WWOX: variants seen among roughly 807,000 people sequenced by gnomAD.
The protein encoded by WWOX is WW domain-containing oxidoreductase.
A neutral mutation model predicts 46.2 loss-of-function variants in WWOX; 69 were observed. That is an observed-to-expected ratio of 1.49 (90% CI 1.23 to 1.82). The LOEUF (loss-of-function observed/expected upper bound fraction) is 1.82, where lower values mean the gene tolerates loss of function less well. WWOX is among the 40% of genes most tolerant of loss of function. The pLI is 0.00. For synonymous variants in WWOX, 359 were observed against 202.6 expected (o/e 1.77, Z -6.56); for missense variants, 919 against 542.6 (o/e 1.69, Z -6.89).
intron 6 of WWOX, among the ~76,000 whole-genome samples, chr16:78,412,482 C>A (rs2082704510): frequency 6.6e-6 from 1 of 152,042 alleles, no homozygotes; most frequent in South Asian, 2.1e-4. Flanking sequence ...GAAGAAACTG[C>A]TGCAGGGAAG....
At chr16:79,127,192 A>G (rs1453125324) in intron 8 of WWOX, among the ~76,000 whole-genome samples, 4 of 152,144 alleles carry the variant, frequency 2.6e-5, no homozygotes, top group Non-Finnish European at 2.9e-5. Flanking sequence ...CCTTGTATAC[A>G]TATACACACA....
At chr16:78,861,720 C>G (rs895417439) in intron 8 of WWOX, among the ~76,000 whole-genome samples, 3 of 152,160 alleles carry the variant, frequency 2.0e-5, no homozygotes, top group Non-Finnish European at 4.4e-5. Context: ...TGTTTGAATT[C>G]CAGGTAAAAA....
chr16:78,693,953 C>G (rs964519117), intron 8 of WWOX, among the ~76,000 whole-genome samples: 3 of 152,170 alleles, frequency 2.0e-5, no homozygotes, highest in Non-Finnish European at 2.9e-5. Flanking sequence ...ATTTAGACGT[C>G]TGGACGTGGT....
chr16:78,104,947 A>C (rs966374320), intron 1 of WWOX, among the ~76,000 whole-genome samples: 52 of 152,328 alleles, frequency 3.4e-4, no homozygotes, highest in African/African-American at 1.3e-3. Context: ...GTGGCTGGCA[A>C]ATGGGAGACC....
At chr16:78,400,639 A>C (rs1242542001) in intron 6 of WWOX, among the ~76,000 whole-genome samples, 1 of 151,956 alleles carries the variant, frequency 6.6e-6, no homozygotes, top group South Asian at 2.1e-4. Flanking sequence ...GGGAGGGAGG[A>C]AAAGGGGGAA....
intron 8 of WWOX, among the ~76,000 whole-genome samples, chr16:78,867,642 G>C (rs2044034735): frequency 6.6e-6 from 1 of 152,060 alleles, no homozygotes; most frequent in African/African-American, 2.4e-5. Context: ...CCAGGTTCAA[G>C]AGAGTCTCCC....
At chr16:78,631,924 C>T (rs140482631) in intron 8 of WWOX, among the ~76,000 whole-genome samples, 1 of 151,894 alleles carries the variant, frequency 6.6e-6, no homozygotes, top group Admixed American at 6.6e-5. Context: ...ATTATTCTGT[C>T]TTCTATGAAA....
intron 5 of WWOX, among the ~76,000 whole-genome samples, chr16:78,303,638 G>A (rs747511185): frequency 1.3e-5 from 2 of 152,086 alleles, no homozygotes; most frequent in African/African-American, 2.4e-5. Context: ...TCCACCTCCC[G>A]GTTTCAAGCG....
intron 8 of WWOX, among the ~76,000 whole-genome samples, chr16:78,497,745 G>A (rs908995993): frequency 6.6e-6 from 1 of 152,098 alleles, no homozygotes; most frequent in African/African-American, 2.4e-5. Flanking sequence ...GACATTACAG[G>A]GACAGTGGTT....
At chr16:78,186,459 G>A (rs965135770) in intron 5 of WWOX, among the ~76,000 whole-genome samples, 3 of 152,054 alleles carry the variant, frequency 2.0e-5, no homozygotes, top group South Asian at 2.1e-4. Flanking sequence ...CTTTACATTC[G>A]TCTTTTAAAA....
intron 5 of WWOX, among the ~76,000 whole-genome samples, chr16:78,179,334 T>C (rs1195067378): frequency 1.3e-5 from 2 of 152,190 alleles, no homozygotes; most frequent in Non-Finnish European, 2.9e-5. Flanking sequence ...ATTAACAGAT[T>C]ACATTTGGGT....
At chr16:78,393,298 G>C (rs2082214806) in intron 6 of WWOX, among the ~76,000 whole-genome samples, 1 of 152,154 alleles carries the variant, frequency 6.6e-6, no homozygotes, top group Non-Finnish European at 1.5e-5. Flanking sequence ...TGCATATTTT[G>C]AACAGGGCCT....
At chr16:78,529,034 G>C (rs1029700905) in intron 8 of WWOX, among the ~76,000 whole-genome samples, 7 of 147,772 alleles carry the variant, frequency 4.7e-5, no homozygotes, top group Non-Finnish European at 8.9e-5. Flanking sequence ...GCTTACTATA[G>C]CCTTGACCTC....
chr16:78,586,572 C>T (rs970547056), intron 8 of WWOX, among the ~76,000 whole-genome samples: 12 of 152,144 alleles, frequency 7.9e-5, no homozygotes, highest in South Asian at 6.2e-4. Flanking sequence ...ATTTTAGAAA[C>T]GAGAAAATGG....
At chr16:79,029,531 G>A (rs2047712490) in intron 8 of WWOX, among the ~76,000 whole-genome samples, 2 of 152,138 alleles carry the variant, frequency 1.3e-5, no homozygotes, top group African/African-American at 4.8e-5. Context: ...AATGGAACAG[G>A]ATGCTCCTTT....
At chr16:78,106,197 A>T (rs1597204027) in intron 1 of WWOX, among the ~76,000 whole-genome samples, 1 of 152,190 alleles carries the variant, frequency 6.6e-6, no homozygotes, top group Non-Finnish European at 1.5e-5. Flanking sequence ...AATGGCAGGC[A>T]AGGAAAATGC....
At chr16:78,743,880 A>C (rs1327894003) in intron 8 of WWOX, among the ~76,000 whole-genome samples, 1 of 152,196 alleles carries the variant, frequency 6.6e-6, no homozygotes, top group African/African-American at 2.4e-5. Context: ...AGGGTATTTA[A>C]ACCCCAGAAA....
At chr16:78,913,246 C>A (rs993366203) in intron 8 of WWOX, among the ~76,000 whole-genome samples, 2 of 151,978 alleles carry the variant, frequency 1.3e-5, no homozygotes, top group African/African-American at 2.4e-5. Flanking sequence ...TTGCCTAGTG[C>A]TTCACATAAG....
At chr16:78,634,895 G>A (rs2046531657) in intron 8 of WWOX, among the ~76,000 whole-genome samples, 1 of 150,026 alleles carries the variant, frequency 6.7e-6, no homozygotes, top group South Asian at 2.1e-4. Context: ...TGTATACGCT[G>A]GTGTTTAGGT....
Sources: allele counts gnomAD v4.1 joint callset (sites outside exome capture counted in the v4.1 genomes callset), GRCh38; gene constraint gnomAD v4.1.1; transcripts MANE v1.5; gene names NCBI Gene and HGNC (gene_info 2026-07-23, HGNC 2026-07-21).